Variants in CFAP299 observed in about 807,000 individuals in gnomAD.
CFAP299 encodes cilia and flagella associated protein 299.
CFAP299 carries 21 observed loss-of-function variants against 27.0 expected under a neutral mutation model. That is an observed-to-expected ratio of 0.78 (90% CI 0.55 to 1.12). The LOEUF is 1.12. CFAP299 is among the 50% of genes most tolerant of loss of function. The pLI is 0.00. For missense variants in CFAP299, 310 were observed against 276.6 expected, an observed-to-expected ratio of 1.12 and a Z score of -0.86; for synonymous variants, 104 against 98.1, an observed-to-expected ratio of 1.06 and a Z score of -0.36.
upstream of CFAP299, chr4:80,335,630 C>G: frequency 1.5e-6 from 1 of 671,636 alleles, no homozygotes; most frequent in South Asian, 1.5e-5. Context: ...ACAGAAACTG[C>G]AACAAACCGC....
chr4:80,794,513 G>A (rs1247938404), intron 3 of CFAP299, among the ~76,000 whole-genome samples: 1 of 152,120 alleles, frequency 6.6e-6, no homozygotes, highest in Non-Finnish European at 1.5e-5. Flanking sequence ...CACGTAGTTG[G>A]CATTGTAATT....
chr4:80,958,340 C>T lies in CFAP299; in HGVS notation c.607-5177C>T, dbSNP rs143906607. Among the ~76,000 whole-genome samples the T allele has an allele frequency of 1.0e-3, 154 of 152,160 alleles. 1 individual carries two copies. The highest frequency in any genetic ancestry group is 3.5e-3 in the African/African-American group (145 of 41,514). ...AACATTGTTTTCAAACATGACATTACGGGGAAGGCTTTGGTTTTATAATTT... is the reference window on the plus strand; with the variant it reads ...AACATTGTTTTCAAACATGACATTATGGGGAAGGCTTTGGTTTTATAATTT... On this transcript the variant is annotated intron_variant, in intron 5 of 5. Transcript: ENST00000358105.
chr4:80,910,779 C>A (rs933693077), intron 4 of CFAP299, among the ~76,000 whole-genome samples: 1 of 151,992 alleles, frequency 6.6e-6, no homozygotes, highest in African/African-American at 2.4e-5. Context: ...TATACCAAAC[C>A]TGCACATGTA....
intron 3 of CFAP299, among the ~76,000 whole-genome samples, chr4:80,616,750 C>G (rs1273801895): frequency 1.3e-5 from 2 of 151,992 alleles, no homozygotes; most frequent in Non-Finnish European, 1.5e-5. Context: ...CAAATATTTT[C>G]TTGAACAAGT....
chr4:80,671,196 C>T (rs1741459808), intron 3 of CFAP299, among the ~76,000 whole-genome samples: 5 of 152,150 alleles, frequency 3.3e-5, no homozygotes, highest in Admixed American at 2.6e-4. Flanking sequence ...CCAGTTTCAT[C>T]TTTCTACATA....
intron 2 of CFAP299, among the ~76,000 whole-genome samples, chr4:80,552,067 C>A (rs1357176374): frequency 1.3e-5 from 2 of 152,036 alleles, no homozygotes; most frequent in African/African-American, 2.4e-5. Context: ...TTTAAAAGAG[C>A]TGAAACTATT....
At chr4:80,896,952 G>A (rs377166208) in intron 4 of CFAP299, among the ~76,000 whole-genome samples, 18 of 152,162 alleles carry the variant, frequency 1.2e-4, no homozygotes, top group Admixed American at 3.9e-4. Flanking sequence ...AGGGAAGTAC[G>A]GGAAAGACTG....
At chr4:80,520,472 G>A (rs1266726525) in intron 2 of CFAP299, among the ~76,000 whole-genome samples, 4 of 152,048 alleles carry the variant, frequency 2.6e-5, no homozygotes, top group Admixed American at 6.6e-5. Context: ...TTTCCTTAAA[G>A]TACTTCCCCT....
At chr4:80,388,473 C>T (rs186365946) in intron 2 of CFAP299, 181 of 1,127,596 alleles carry the variant, frequency 1.6e-4, no homozygotes, top group Admixed American at 3.7e-4. Context: ...GTGTCCAGGT[C>T]GGGGGCATTT....
chr4:80,574,220 A>G (rs1735735602), intron 2 of CFAP299, among the ~76,000 whole-genome samples: 1 of 152,134 alleles, frequency 6.6e-6, no homozygotes, highest in East Asian at 1.9e-4. Flanking sequence ...TAGCTATAGT[A>G]AATGGGATTA....
intron 2 of CFAP299, among the ~76,000 whole-genome samples, chr4:80,473,880 C>A (rs79389177): frequency 0.013 from 1,953 of 152,228 alleles, 47 homozygotes; most frequent in African/African-American, 0.044. Context: ...GCATGAGCCA[C>A]CATTGATTAT....
At chr4:80,691,633 C>G (rs1302563147) in intron 3 of CFAP299, among the ~76,000 whole-genome samples, 1 of 149,886 alleles carries the variant, frequency 6.7e-6, no homozygotes, top group Non-Finnish European at 1.5e-5. Flanking sequence ...AAAACTGGCA[C>G]AAGACAGGGA....
At chr4:80,681,268 T>C (rs1023235910) in intron 3 of CFAP299, among the ~76,000 whole-genome samples, 2 of 152,158 alleles carry the variant, frequency 1.3e-5, no homozygotes, top group Admixed American at 6.5e-5. Context: ...GGAAATCTCA[T>C]TGTGAATTCT....
intron 2 of CFAP299, among the ~76,000 whole-genome samples, chr4:80,543,725 C>G (rs1182223813): frequency 6.6e-6 from 1 of 152,162 alleles, no homozygotes; most frequent in Non-Finnish European, 1.5e-5. Context: ...TTCTGCATTC[C>G]TGCAAGAGAA....
At chr4:80,915,660 A>G (rs961386311) in intron 4 of CFAP299, among the ~76,000 whole-genome samples, 3 of 151,804 alleles carry the variant, frequency 2.0e-5, no homozygotes, top group Non-Finnish European at 2.9e-5. Flanking sequence ...TAGAACTCCA[A>G]TTACACATGT....
intron 5 of CFAP299, among the ~76,000 whole-genome samples, chr4:80,951,677 T>C (rs1007770904): frequency 1.3e-5 from 2 of 152,222 alleles, no homozygotes; most frequent in Non-Finnish European, 2.9e-5. Flanking sequence ...ATTCTATTTT[T>C]AAAGCCTCTT....
chr4:80,449,115 G>T (rs929271162), intron 2 of CFAP299, among the ~76,000 whole-genome samples: 6 of 152,122 alleles, frequency 3.9e-5, no homozygotes, highest in African/African-American at 1.2e-4. Flanking sequence ...CCAAATGCAT[G>T]TACTACATGC....
chr4:80,943,830 A>G (rs1737325836), intron 4 of CFAP299, among the ~76,000 whole-genome samples: 1 of 152,100 alleles, frequency 6.6e-6, no homozygotes, highest in African/African-American at 2.4e-5. Context: ...ACACTTTGGG[A>G]GGCCAAGGTG....
intron 3 of CFAP299, among the ~76,000 whole-genome samples, chr4:80,832,777 GT>G (rs1730367097): frequency 6.6e-6 from 1 of 152,068 alleles, no homozygotes; most frequent in Admixed American, 6.6e-5. Flanking sequence ...GGAATCATTG[GT>G]TAAGTACAAG....
Sources: allele counts gnomAD v4.1 joint callset (sites outside exome capture counted in the v4.1 genomes callset), GRCh38; gene constraint gnomAD v4.1.1; transcripts MANE v1.5; gene names NCBI Gene and HGNC (gene_info 2026-07-23, HGNC 2026-07-21).